The following TESPA1 variants were observed in gnomAD, a reference collection of about 807,000 sequenced individuals.
TESPA1 encodes the protein protein TESPA1.
In TESPA1, 33 loss-of-function variants were observed where a neutral mutation model predicts 57.9. That is an observed-to-expected ratio of 0.57 (90% CI 0.43 to 0.76). The LOEUF is 0.76. Among genes scored for constraint, TESPA1 ranks in the 30% least tolerant of loss-of-function variants. The pLI is 0.00. For synonymous variants in TESPA1, 227 were observed against 228.9 expected (o/e 0.99, Z 0.07); for missense variants, 618 against 632.9 (o/e 0.98, Z 0.25).
At chr12:54,973,782 A>G (rs1951995640) in intron 2 of TESPA1, 3 of 1,238,038 alleles carry the variant, frequency 2.4e-6, no homozygotes, top group Middle Eastern at 3.1e-4. Context: ...CTGTCTTTTG[A>G]GAGTTCCTTT....
chr12:54,963,024 G>C lies in TESPA1; in HGVS notation c.874C>G (p.Leu292Val). 6.2e-7 allele frequency: 1 copy of C among 1,613,984 alleles called. No individual in the cohort carries two copies. Among genetic ancestry groups the C allele is most frequent in the Non-Finnish European group, 8.5e-7 (1 of 1,179,894 alleles). Residue 292 changes from leucine to valine, a missense_variant, in exon 9 of 11, where the codon CTG becomes GTG. Transcript: ENST00000449076. ...RLRKAISKMCLYTCPRDRPPP... is the reference protein window; with the variant it reads ...RLRKAISKMCVYTCPRDRPPP... ...GGCCGGTCTCGGGGGCATGTGTACA[G>C]ACACATCTTGGAGATGGCTTTCCGA...
intron 1 of TESPA1, among the ~76,000 whole-genome samples, chr12:54,975,175 T>C (rs890823285): frequency 6.6e-6 from 1 of 152,042 alleles, no homozygotes; most frequent in Non-Finnish European, 1.5e-5. Context: ...GTTCCTGTTT[T>C]ATATATTAGG....
intron 3 of TESPA1, among the ~76,000 whole-genome samples, chr12:54,970,742 C>T (rs1020165384): frequency 6.6e-6 from 1 of 152,194 alleles, no homozygotes; most frequent in Admixed American, 6.5e-5. Flanking sequence ...TTTTAAGTCT[C>T]AAATGAAAGA....
At chr12:54,956,247 G>A (rs1218231914) in intron 10 of TESPA1, among the ~76,000 whole-genome samples, 1 of 152,104 alleles carries the variant, frequency 6.6e-6, no homozygotes, top group Non-Finnish European at 1.5e-5. Flanking sequence ...TGCTCTGAAC[G>A]AGCATTCCCA....
chr12:54,974,391 G>A lies in TESPA1; in HGVS notation c.163+9C>T, dbSNP rs766773426. On this transcript the variant is annotated intron_variant, in intron 2 of 10. Transcript: ENST00000449076. ...CAACATAGACGCCTGTCTGATGTTC[G>A]TCTCTTACCTTCTTGGAAAACGTCA... The A allele has an allele frequency of 3.6e-5, 58 of 1,592,678 alleles. No homozygotes were observed. Among genetic ancestry groups the A allele is most frequent in the East Asian group, 4.5e-5 (2 of 44,072 alleles).
intron 10 of TESPA1, among the ~76,000 whole-genome samples, chr12:54,954,129 A>C (rs1195282833): frequency 1.3e-5 from 2 of 152,186 alleles, no homozygotes; most frequent in East Asian, 3.9e-4. Context: ...ATCCAAGTAC[A>C]GGTAGCGAGG....
chr12:54,969,019 A>ATGCGTGTG (rs1951632321), intron 3 of TESPA1, among the ~76,000 whole-genome samples: 1 of 127,822 alleles, frequency 7.8e-6, no homozygotes, highest in Non-Finnish European at 1.6e-5. Flanking sequence ...ATATTTATAT[A>ATGCGTGTG]TGTATATATA....
intron 7 of TESPA1, among the ~76,000 whole-genome samples, chr12:54,964,769 C>A (rs1261236129): frequency 6.6e-6 from 1 of 152,172 alleles, no homozygotes; most frequent in African/African-American, 2.4e-5. Flanking sequence ...CTTGTCCTTG[C>A]CAGCTTTTAT....
chr12:54,963,732 G>A lies in TESPA1; in HGVS notation c.655+10C>T, dbSNP rs771225767. 1.2e-6 allele frequency: 2 copies of A among 1,608,448 alleles called. No individual in the cohort carries two copies. The highest frequency in any genetic ancestry group is 1.1e-5 in the South Asian group (1 of 90,516). On this transcript the variant is annotated intron_variant, in intron 8 of 10. Transcript: ENST00000449076. ...GGGAAGTAGAGCAGGTGCCTGGGAG[G>A]GACACTCACTGGCCAGCATGAGGCA...
chr12:54,966,664 T>C (rs1951454384), intron 5 of TESPA1, among the ~76,000 whole-genome samples: 1 of 152,076 alleles, frequency 6.6e-6, no homozygotes, highest in African/African-American at 2.4e-5. Context: ...GACCCATGAC[T>C]GATGTTTAGG....
At chr12:54,950,519 T>C (rs1950315134) in intron 10 of TESPA1, 129 bp from the exon 11 acceptor site, 1 of 347,122 alleles carries the variant, frequency 2.9e-6, no homozygotes. Context: ...TTTAAAGTTA[T>C]TAGCAGCAGC....
intron 10 of TESPA1, among the ~76,000 whole-genome samples, chr12:54,957,950 A>G (rs115634265): frequency 3.3e-5 from 5 of 152,380 alleles, no homozygotes; most frequent in East Asian, 1.9e-4. Flanking sequence ...CTTAGAATCA[A>G]TAAAATACAG....
In TESPA1 at chr12:54,974,573, C is replaced by T; in HGVS notation, c.-11G>A. The T allele has an allele frequency of 1.3e-6, 2 of 1,560,406 alleles. No homozygotes were observed. The highest frequency in any genetic ancestry group is 2.3e-5 in the East Asian group (1 of 43,070). The stretch of plus-strand genomic sequence containing the variant: ...CACAGAGGCCTCCATGGCCCTGGCT[C>T]AGACTTCAGGGCCTCCCGTAACAGT... On this transcript the variant is annotated 5_prime_UTR_variant, in exon 2 of 11. The change abolishes the stop of an existing upstream ORF in the 5' untranslated region. Coordinates refer to ENST00000449076, the MANE Select transcript of TESPA1 (RefSeq NM_001136030.3).
At chr12:54,960,088 G>A (rs1468706037) in intron 10 of TESPA1, among the ~76,000 whole-genome samples, 2 of 152,140 alleles carry the variant, frequency 1.3e-5, no homozygotes, top group Admixed American at 1.3e-4. Flanking sequence ...ACTAGAAAAT[G>A]TAGAAAATGG....
chr12:54,972,298 G>A (rs1188818532), intron 3 of TESPA1, among the ~76,000 whole-genome samples: 1 of 152,162 alleles, frequency 6.6e-6, no homozygotes, highest in Non-Finnish European at 1.5e-5. Context: ...CTAAGTCAAT[G>A]AGCATATTTT....
chr12:54,982,786 T>C (rs1952367997), intron 1 of TESPA1, among the ~76,000 whole-genome samples: 1 of 152,224 alleles, frequency 6.6e-6, no homozygotes. Context: ...TCAGTTTCAT[T>C]TCCTTGGTAA....
intron 10 of TESPA1, among the ~76,000 whole-genome samples, chr12:54,954,309 A>G (rs564308515): frequency 2.4e-4 from 36 of 152,346 alleles, no homozygotes; most frequent in Admixed American, 5.2e-4. Flanking sequence ...TTCAAGTATA[A>G]AATGGATTTC....
chr12:54,957,447 A>AT (rs1362473569), intron 10 of TESPA1, among the ~76,000 whole-genome samples: 1 of 152,228 alleles, frequency 6.6e-6, no homozygotes, highest in African/African-American at 2.4e-5. Flanking sequence ...TCTGCCTTTG[A>AT]TTGTGGTGAG....
chr12:54,958,238 T>C (rs1950854866), intron 10 of TESPA1, among the ~76,000 whole-genome samples: 1 of 152,230 alleles, frequency 6.6e-6, no homozygotes, highest in Admixed American at 6.5e-5. Context: ...TTTTTTTTCT[T>C]GTGCAAGGCT....
Sources: gnomAD v4.1 joint callset for allele counts (sites outside exome capture counted in the v4.1 genomes callset) on GRCh38, gnomAD v4.1.1 for gene constraint, MANE v1.5 for transcripts, NCBI Gene and HGNC (gene_info 2026-07-23, HGNC 2026-07-21) for gene names.